C4orf33: variants seen among roughly 807,000 people sequenced by gnomAD.
C4orf33 encodes the protein UPF0462 protein C4orf33.
C4orf33 carries 20 observed loss-of-function variants against 24.3 expected under a neutral mutation model. The ratio of observed to expected loss-of-function variants is 0.82; its 90% CI spans 0.58 to 1.19. The LOEUF is 1.19. Ranked by LOEUF, C4orf33 falls within the 50% of genes most tolerant of loss-of-function variation. The pLI, the probability that C4orf33 is intolerant of heterozygous loss-of-function variation, is 0.00. For synonymous variants in C4orf33, 67 were observed against 76.4 expected (o/e 0.88, Z 0.64); for missense variants, 207 against 225.9 (o/e 0.92, Z 0.54).
At chr4:129,101,757 T>A (rs1753357905) in intron 1 of C4orf33, among the ~76,000 whole-genome samples, 1 of 152,216 alleles carries the variant, frequency 6.6e-6, no homozygotes, top group African/African-American at 2.4e-5. Flanking sequence ...ATTGAATACT[T>A]AGAATACTAA....
At chr4:129,110,405 A>G (rs182798688) in intron 5 of C4orf33, among the ~76,000 whole-genome samples, 152 of 152,312 alleles carry the variant, frequency 1.0e-3, no homozygotes, top group African/African-American at 3.2e-3. Flanking sequence ...TCACATAGGC[A>G]GACTAGAGCT....
chr4:129,108,388 A>G (rs1753579343), intron 3 of C4orf33, among the ~76,000 whole-genome samples: 1 of 152,176 alleles, frequency 6.6e-6, no homozygotes, highest in East Asian at 1.9e-4. Flanking sequence ...TCCCTTGGAA[A>G]ATATACTGTG....
intron 1 of C4orf33, among the ~76,000 whole-genome samples, chr4:129,101,703 C>G (rs560514019): frequency 2.6e-5 from 4 of 152,080 alleles, no homozygotes; most frequent in Non-Finnish European, 1.5e-5. Context: ...CCATAGTATT[C>G]AAAAATGTGA....
rs565556867 is a variant in C4orf33 at position 129,106,026 on chromosome 4, C to T, written c.182-561C>T. On this transcript the variant is annotated intron_variant, in intron 2 of 5. Transcript: ENST00000425929. ...ACTTATCGAATATCATGGATATCTT[C>T]CTATATCAACAAATATTTAATGGTA... is the stretch of plus-strand genomic sequence containing the variant. 2.0e-5 allele frequency among the ~76,000 whole-genome samples: 3 copies of T among 152,160 alleles called. No homozygotes were observed. In the South Asian group the frequency reaches 6.2e-4, roughly 32 times the overall value.
intron 3 of C4orf33, 49 bp downstream of exon 3, chr4:129,106,696 G>T: frequency 1.0e-6 from 1 of 974,334 alleles, no homozygotes; most frequent in Non-Finnish European, 1.6e-6. Flanking sequence ...ATTTGAACGT[G>T]TTATTTTCTA....
At position 129,115,830 on chromosome 4, in the gene C4orf33, A is replaced by ATGTTTATATAT. The variant is rs61233857; in HGVS notation, c.*4039_*4040insTGTTTATATAT. The ATGTTTATATAT allele has an allele frequency of 2.4e-5, 1 of 41,510 alleles. No homozygotes were observed. The highest frequency in any genetic ancestry group is 6.2e-5 in the African/African-American group (1 of 16,006). The allele number at this position is 41,510 out of a possible 1,614,324, so 2.6% of individuals were successfully genotyped here. ...TATATATATATATATATATATATAT[A>ATGTTTATATAT]AAATATATATGTTTATATATAACAT... On this transcript the variant is annotated 3_prime_UTR_variant, in exon 6 of 6. Transcript: ENST00000425929.
In C4orf33 at chr4:129,113,581, A is replaced by C. The variant is rs1753730565; in HGVS notation, c.*1790A>C. On this transcript the variant is annotated 3_prime_UTR_variant, in exon 6 of 6. Transcript: ENST00000425929. ...TTCTTTGCTGTGATTTGAATTGTTCACTGCAGTGTCAAGCAGATTCTCTCT... is the reference window on the plus strand; with the variant it reads ...TTCTTTGCTGTGATTTGAATTGTTCCCTGCAGTGTCAAGCAGATTCTCTCT... 9.7e-6 allele frequency: 1 copy of C among 103,422 alleles called. No individual in the cohort carries two copies. 6.4% of individuals were successfully genotyped at this position (103,422 alleles called of 1,614,324 possible). A position where few individuals can be genotyped will look rare whatever the true frequency, so the allele number is the denominator to read the frequency against.
intron 5 of C4orf33, chr4:129,110,027 GAACA>G (rs1753640641): frequency 3.8e-6 from 4 of 1,044,510 alleles, no homozygotes; most frequent in Non-Finnish European, 4.6e-6. Flanking sequence ...TTCCTGGTGT[GAACA>G]AACAGTCCCC....
At chr4:129,110,955 A>G (rs1042900110) in intron 5 of C4orf33, among the ~76,000 whole-genome samples, 1 of 152,142 alleles carries the variant, frequency 6.6e-6, no homozygotes, top group African/African-American at 2.4e-5. Context: ...CAACTGACTC[A>G]AGGTCCTCAT....
At chr4:129,093,923 A>C (rs1753081193), upstream of C4orf33, 1 of 152,282 alleles carries the variant, frequency 6.6e-6, no homozygotes, top group East Asian at 1.9e-4. Context: ...TAAAAGATGC[A>C]GGTTCCTGCG....
intron 3 of C4orf33, 139 bp from the exon 4 acceptor site, chr4:129,109,168 G>A (rs563809608): frequency 3.1e-5 from 29 of 929,160 alleles, no homozygotes; most frequent in Admixed American, 2.1e-4. Context: ...GGTTACAGGC[G>A]TAAGCCACCA....
chr4:129,098,440 T>C (rs1362411100), intron 1 of C4orf33, among the ~76,000 whole-genome samples: 1 of 152,192 alleles, frequency 6.6e-6, no homozygotes, highest in Non-Finnish European at 1.5e-5. Flanking sequence ...TTCTGTACTT[T>C]CATGAATTTG....
intron 3 of C4orf33, among the ~76,000 whole-genome samples, chr4:129,108,081 C>G (rs1753570154): frequency 6.6e-6 from 1 of 151,972 alleles, no homozygotes; most frequent in East Asian, 1.9e-4. Flanking sequence ...TCTAGGAAAG[C>G]AACAGGAAGA....
chr4:129,097,674 A>T (rs543772418), intron 1 of C4orf33, among the ~76,000 whole-genome samples: 4 of 152,260 alleles, frequency 2.6e-5, no homozygotes, highest in Admixed American at 6.5e-5. Context: ...GAATATGTGC[A>T]GGTATAGTAA....
intron 3 of C4orf33, among the ~76,000 whole-genome samples, chr4:129,108,155 A>G (rs534942943): frequency 6.6e-6 from 1 of 152,272 alleles, no homozygotes; most frequent in South Asian, 2.1e-4. Flanking sequence ...TAATAACAAT[A>G]AAAATAATCA....
At position 129,112,469 on chromosome 4, in the gene C4orf33, G is replaced by A. The variant is rs1322512909; in HGVS notation, c.*678G>A. ...CAGTGGCTGCTTAGAGTGAGGGCAG[G>A]GAATTCAAATTGAATGGAAAAGGGG... On this transcript the variant is annotated 3_prime_UTR_variant, in exon 6 of 6. Coordinates refer to ENST00000425929, the MANE Select transcript of C4orf33 (RefSeq NM_001099783.2). 2.6e-5 allele frequency: 4 copies of A among 152,112 alleles called. No homozygotes were observed. The highest frequency in any genetic ancestry group is 9.7e-5 in the African/African-American group (4 of 41,422). The allele number at this position is 152,112 out of a possible 1,614,324, so 9.4% of individuals were successfully genotyped here.
Position 129,105,748 on chromosome 4 carries a change from T to A in C4orf33, c.182-839T>A, listed in dbSNP as rs139170799. ...CAAAGGGGAAGAAAAGGACTTTGAC[T>A]TTTTACTTCATATATATTGTTTTAA... is the stretch of plus-strand genomic sequence containing the variant. On this transcript the variant is annotated intron_variant, in intron 2 of 5. Transcript: ENST00000425929. Among the ~76,000 whole-genome samples the A allele has an allele frequency of 5.9e-5, 9 of 152,298 alleles. No homozygotes were observed. In the East Asian group the frequency reaches 1.7e-3, roughly 29 times the overall value.
intron 5 of C4orf33, among the ~76,000 whole-genome samples, chr4:129,110,619 T>C (rs1753670146): frequency 6.6e-6 from 1 of 152,230 alleles, no homozygotes; most frequent in Admixed American, 6.5e-5. Context: ...CTATGGTAGA[T>C]GGACATTCCT....
rs550690003 is a variant in C4orf33 at position 129,102,991 on chromosome 4, T to C, written c.181+200T>C. ...ACTTTAACTATATAACAAAAACAGT[T>C]AAAAAATGGCAATTACAAATCCAGA... On this transcript the variant is annotated intron_variant, in intron 2 of 5. Transcript: ENST00000425929. The C allele has an allele frequency of 1.4e-5, 6 of 416,046 alleles. No individual in the cohort carries two copies. The South Asian group carries it at 3.5e-4, about 24-fold the overall frequency. The allele number at this position is 416,046 out of a possible 1,614,324, so 25.8% of individuals were successfully genotyped here.
Sources: gnomAD v4.1 joint callset for allele counts (sites outside exome capture counted in the v4.1 genomes callset) on GRCh38, gnomAD v4.1.1 for gene constraint, MANE v1.5 for transcripts, NCBI Gene and HGNC (gene_info 2026-07-23, HGNC 2026-07-21) for gene names.